Variants in PLEKHG4B observed in about 807,000 individuals in gnomAD.
The protein encoded by PLEKHG4B is pleckstrin homology and RhoGEF domain containing G4B, also known as pleckstrin homology domain-containing family G member 4B.
A neutral mutation model predicts 121.3 loss-of-function variants in PLEKHG4B; 111 were observed. The ratio of observed to expected loss-of-function variants is 0.92; its 90% confidence interval spans 0.78 to 1.07. The LOEUF is 1.07. Ranked by LOEUF, PLEKHG4B falls within the 50% of genes least tolerant of loss-of-function variation. PLEKHG4B has a pLI of 0.00. For synonymous variants in PLEKHG4B, 738 were observed against 725.0 expected (o/e 1.02, Z -0.29); for missense variants, 1,831 against 1,757.8 (o/e 1.04, Z -0.74).
chr5:158,505 A>C (rs1160035918), intron 11 of PLEKHG4B, among the ~76,000 whole-genome samples: 5 of 83,958 alleles, frequency 6.0e-5, no homozygotes, highest in Admixed American at 1.4e-4. Context: ...GGTCTCCCCT[A>C]TCTCCCCTCC....
chr5:151,466 A>G (rs780198097), intron 6 of PLEKHG4B, 47 bp from the exon 7 acceptor site: 1 of 1,334,316 alleles, frequency 7.5e-7, no homozygotes, highest in Admixed American at 2.0e-5. Context: ...TAATGAAGTT[A>G]AAAATTAGAA....
chr5:186,963 T>G lies in PLEKHG4B; in HGVS notation c.*4640T>G, dbSNP rs1250701926. ...CCCCACCATCCTGAATGCTCAGGGC[T>G]GGTGGTCAGCGAGGTGGTTTCTAAA... On this transcript the variant is annotated 3_prime_UTR_variant, in exon 20 of 20. Transcript: ENST00000637938. The G allele has an allele frequency of 6.6e-6, 1 of 152,376 alleles. No individual in the cohort carries two copies. The highest frequency in any genetic ancestry group is 1.5e-5 in the Non-Finnish European group (1 of 68,162). The allele number at this position is 152,376 out of a possible 1,614,324, so 9.4% of individuals were successfully genotyped here.
intron 1 of PLEKHG4B, among the ~76,000 whole-genome samples, chr5:112,878 A>G (rs75695791): frequency 6.6e-6 from 1 of 152,066 alleles, no homozygotes; most frequent in Non-Finnish European, 1.5e-5. Flanking sequence ...CACCCCAAAG[A>G]CCTTATGCTG....
Position 171,367 on chromosome 5 carries a change from G to A in PLEKHG4B, c.3973G>A (p.Ala1325Thr). The A allele has an allele frequency of 6.2e-7, 1 of 1,611,802 alleles. No homozygotes were observed. The highest frequency in any genetic ancestry group is 8.5e-7 in the Non-Finnish European group (1 of 1,179,816). ...GGGGCAGGAGCTGGGCGAGCTCCGA[G>A]CCGCCGAGGTCGTGGTCTGCTTCCA... is the stretch of plus-strand genomic sequence containing the variant. ...AQGQELGELRAAEVVVCFQLR... is the reference protein window; with the variant it reads ...AQGQELGELRTAEVVVCFQLR... The change falls in exon 16 of 20, where the codon GCC becomes ACC. Residue 1325 changes from alanine (A) to threonine (T), a missense_variant. Ala to Thr is a moderately conservative substitution (Grantham distance 58, BLOSUM62 0). Coordinates refer to ENST00000637938, the MANE Select transcript of PLEKHG4B (RefSeq NM_052909.5).
intron 1 of PLEKHG4B, among the ~76,000 whole-genome samples, chr5:106,479 G>A (rs905209061): frequency 2.0e-5 from 3 of 152,164 alleles, no homozygotes; most frequent in Admixed American, 1.3e-4. Flanking sequence ...TTTATTTCAA[G>A]GTATTTTGTT....
Position 140,662 on chromosome 5 carries a change from G to A in PLEKHG4B, c.1423G>A (p.Val475Met), listed in dbSNP as rs556754157. ...RPGGHLGGQA[V>M]GTPNCVPVEG... is the part of the protein sequence containing the mutation. The stretch of plus-strand genomic sequence containing the variant: ...TGGGGGCCACCTAGGAGGACAAGCT[G>A]TGGGGACCCCAAACTGTGTCCCAGT... Residue 475 changes from valine (V) to methionine (M), a missense_variant, in exon 3 of 20, where the codon GTG becomes ATG. Coordinates refer to ENST00000637938, the MANE Select transcript of PLEKHG4B (RefSeq NM_052909.5). 4 of 1,606,102 alleles carry A rather than the reference G, an allele frequency of 2.5e-6. No individual in the cohort carries two copies. Among genetic ancestry groups the A allele is most frequent in the Admixed American group, 1.7e-5 (1 of 59,172 alleles).
At chr5:130,061 A>AAGAGAGAGAGAGAGAGAGAG (rs754535739) in intron 2 of PLEKHG4B, among the ~76,000 whole-genome samples, 8 of 150,466 alleles carry the variant, frequency 5.3e-5, no homozygotes, top group African/African-American at 1.7e-4. Context: ...AGTGAATATG[A>AAGAGAGAGAGAGAGAGAGAG]AGAGAGAGTG....
intron 2 of PLEKHG4B, among the ~76,000 whole-genome samples, chr5:130,449 G>T (rs1429693253): frequency 1.3e-5 from 2 of 152,000 alleles, no homozygotes; most frequent in Non-Finnish European, 2.9e-5. Context: ...ATCCCTTAAC[G>T]CCCCCCCATG....
At chr5:142,971 G>C in intron 3 of PLEKHG4B, 76 bp from the exon 4 acceptor site, 1 of 1,387,650 alleles carries the variant, frequency 7.2e-7, no homozygotes, top group Non-Finnish European at 1.0e-6. Flanking sequence ...ATGGTTCATA[G>C]CAAGCTGAGC....
At position 101,620 on chromosome 5, in the gene PLEKHG4B, A is replaced by G. The variant is rs56114635; in HGVS notation, c.45+9344A>G. On this transcript the variant is annotated intron_variant, in intron 1 of 19. Transcript: ENST00000637938. ...ATATAAAGCCCTGGGAAAAGTCTGT[A>G]GGGGAGAGACTGTTGTGAGGTTAAT... 1.3e-4 allele frequency among the ~76,000 whole-genome samples: 18 copies of G among 134,358 alleles called. 3 individuals are homozygous for G. The highest frequency in any genetic ancestry group is 5.7e-4 in the African/African-American group (17 of 29,746). The allele number at this position is 134,358 out of a possible 152,430, so 88.1% of individuals were successfully genotyped here.
Position 173,060 on chromosome 5 carries a change from C to G in PLEKHG4B, c.4214C>G (p.Ser1405Cys). Residue 1405 changes from serine (S) to cysteine (C), a missense_variant, in exon 17 of 20, where the codon TCC becomes TGC. By Grantham distance (112) the Ser-to-Cys change is moderately radical (BLOSUM62 -1). Transcript: ENST00000637938. The part of the protein sequence containing the change: ...GSHDVYLYKQ[S>C]FKTAEIGMTE... Reference sequence around the variant, plus strand: ...CACGACGTCTACCTGTACAAGCAGTCCTTCAAGGTAGCACCCGCCCGGTCC... The same window carrying G: ...CACGACGTCTACCTGTACAAGCAGTGCTTCAAGGTAGCACCCGCCCGGTCC... 5.0e-6 allele frequency: 8 copies of G among 1,613,998 alleles called. No homozygotes were observed. Among genetic ancestry groups the G allele is most frequent in the Non-Finnish European group, 5.9e-6 (7 of 1,179,896 alleles).
At chr5:123,007 A>T (rs1443152076) in intron 2 of PLEKHG4B, among the ~76,000 whole-genome samples, 1 of 152,234 alleles carries the variant, frequency 6.6e-6, no homozygotes, top group Non-Finnish European at 1.5e-5. Flanking sequence ...ATTGGAAAAA[A>T]AATCGTTAAG....
chr5:169,365 G>T lies in PLEKHG4B; in HGVS notation c.3502G>T (p.Glu1168Ter), dbSNP rs770404592. The T allele has an allele frequency of 3.7e-6, 6 of 1,614,112 alleles. No homozygotes were observed. In the Middle Eastern group the frequency reaches 6.6e-4, roughly 178 times the overall value. Residue 1168 changes from glutamate to a stop codon, truncating the protein, a stop_gained, in exon 14 of 20, where the codon GAG becomes TAG. Coordinates refer to ENST00000637938, the MANE Select transcript of PLEKHG4B (RefSeq NM_052909.5). LOFTEE classifies it high-confidence loss of function. ...CAGCCGACTGAGGCACATCATGGCC[G>T]AGATGATCGCCACAGAGAGGGAGTA... ...GSSRLRHIMA[E>*]MIATEREYIR...
rs944966046 is a variant in PLEKHG4B at position 113,292 on chromosome 5, T to C, written c.87T>C (p.Ser29=). 9.0e-5 allele frequency: 36 copies of C among 398,972 alleles called. No homozygotes were observed. Among genetic ancestry groups the C allele is most frequent in the African/African-American group, 6.8e-4 (33 of 48,632 alleles). 24.7% of individuals were successfully genotyped at this position (398,972 alleles called of 1,614,324 possible). A position where few individuals can be genotyped will look rare whatever the true frequency, so the allele number is the denominator to read the frequency against. The part of the protein sequence containing the change: ...SLDACIQRTL[S]ALYPPFEATA... The stretch of plus-strand genomic sequence containing the variant: ...ATGCCTGTATCCAGAGGACGCTCTC[T>C]GCCTTGTACCCACCGTTTGAAGCCA... Residue 29 remains serine (S), a synonymous_variant, in exon 2 of 20, where the codon TCT becomes TCC. Transcript: ENST00000637938. This position sits in a 1 kb window ranked among gnomAD's most constrained non-coding sequence, Gnocchi z 5.2.
At chr5:96,621 T>C (rs56934710) in intron 1 of PLEKHG4B, among the ~76,000 whole-genome samples, 27,884 of 152,094 alleles carry the variant, frequency 0.18, 3,525 homozygotes, top group African/African-American at 0.35. Flanking sequence ...GGAACAAGCA[T>C]TTAGTCAGTC....
chr5:93,605 C>G (rs1733535114), intron 1 of PLEKHG4B, among the ~76,000 whole-genome samples: 2 of 152,212 alleles, frequency 1.3e-5, no homozygotes, highest in South Asian at 4.1e-4. Flanking sequence ...CTTGACCCCG[C>G]AGGCAGCCGG....
chr5:120,872 A>G (rs1734445109), intron 2 of PLEKHG4B, among the ~76,000 whole-genome samples: 1 of 152,194 alleles, frequency 6.6e-6, no homozygotes, highest in Non-Finnish European at 1.5e-5. Flanking sequence ...ACTATAATAA[A>G]TATATTAAAT....
At chr5:105,008 G>A (rs185877986) in intron 1 of PLEKHG4B, among the ~76,000 whole-genome samples, 209 of 151,854 alleles carry the variant, frequency 1.4e-3, no homozygotes, top group African/African-American at 4.7e-3. Context: ...GGTGAGGGCT[G>A]TTCTGGTTCT....
At chr5:117,452 A>G (rs1734337641) in intron 2 of PLEKHG4B, among the ~76,000 whole-genome samples, 1 of 152,196 alleles carries the variant, frequency 6.6e-6, no homozygotes, top group African/African-American at 2.4e-5. Flanking sequence ...ACCCTCAGCC[A>G]ATAAATGACA....
Sources: allele counts gnomAD v4.1 joint callset (sites outside exome capture counted in the v4.1 genomes callset), GRCh38; gene constraint gnomAD v4.1.1; non-coding constraint Gnocchi (gnomAD v3.1); transcripts MANE v1.5; gene names NCBI Gene and HGNC (gene_info 2026-07-23, HGNC 2026-07-21).